TEAD1: variants seen among roughly 807,000 people sequenced by gnomAD.
TEAD1 encodes the protein transcriptional enhancer factor TEF-1.
Under a neutral mutation model 54.9 loss-of-function variants are expected in TEAD1, and 9 were observed. The observed-to-expected ratio is 0.16, with a 90% confidence interval of 0.10 to 0.29. TEAD1 has a LOEUF of 0.29. Ranked by LOEUF, TEAD1 falls within the 10% of genes least tolerant of loss-of-function variation. The probability of loss-of-function intolerance (pLI) is 1.00; values close to 1 mark genes in which losing one functional copy is unlikely to be tolerated. For synonymous variants in TEAD1, 200 were observed against 187.8 expected, an observed-to-expected ratio of 1.07 and a Z score of -0.53; for missense variants, 387 against 535.9, an observed-to-expected ratio of 0.72 and a Z score of 2.74.
At chr11:12,715,776 A>G (rs963273517) in intron 2 of TEAD1, among the ~76,000 whole-genome samples, 4 of 152,156 alleles carry the variant, frequency 2.6e-5, no homozygotes, top group African/African-American at 9.7e-5. Context: ...AATTTCAGGT[A>G]AGCAATATTT....
chr11:12,794,723 C>G, intron 3 of TEAD1, among the ~76,000 whole-genome samples: 1 of 152,204 alleles, frequency 6.6e-6, no homozygotes, highest in South Asian at 2.1e-4. Flanking sequence ...TCCTGCAACC[C>G]GGCAGGAGCA....
intron 2 of TEAD1, among the ~76,000 whole-genome samples, chr11:12,755,090 C>T (rs1207489295): frequency 6.6e-6 from 1 of 152,132 alleles, no homozygotes; most frequent in Non-Finnish European, 1.5e-5. Context: ...AGTTGGCTGT[C>T]AACAGACTGT....
At chr11:12,776,248 A>C (rs1291030068) in intron 3 of TEAD1, among the ~76,000 whole-genome samples, 9 of 152,194 alleles carry the variant, frequency 5.9e-5, no homozygotes, top group African/African-American at 1.9e-4. Context: ...TCCAACATTC[A>C]TGTATTATGG....
intron 5 of TEAD1, among the ~76,000 whole-genome samples, chr11:12,871,325 CA>C (rs1019275037): frequency 3.3e-5 from 5 of 152,208 alleles, no homozygotes; most frequent in African/African-American, 1.2e-4. Flanking sequence ...TAGTGAGAAG[CA>C]GCAGCATGTC....
At chr11:12,752,993 C>G (rs924981910) in intron 2 of TEAD1, among the ~76,000 whole-genome samples, 14 of 151,722 alleles carry the variant, frequency 9.2e-5, no homozygotes, top group African/African-American at 3.4e-4. Flanking sequence ...GCATGCGCCA[C>G]CAACACCCAG....
intron 3 of TEAD1, among the ~76,000 whole-genome samples, chr11:12,845,425 G>A: frequency 6.6e-6 from 1 of 152,214 alleles, no homozygotes; most frequent in African/African-American, 2.4e-5. Flanking sequence ...AGAAGTGTTA[G>A]TCTAGCACAG....
intron 3 of TEAD1, among the ~76,000 whole-genome samples, chr11:12,850,158 A>G (rs1047764320): frequency 1.4e-4 from 21 of 152,332 alleles, no homozygotes; most frequent in African/African-American, 4.8e-4. Context: ...GAACTGGGCC[A>G]GGTGTGGTGA....
chr11:12,799,611 A>G (rs746211502), intron 3 of TEAD1, among the ~76,000 whole-genome samples: 1 of 152,224 alleles, frequency 6.6e-6, no homozygotes, highest in Non-Finnish European at 1.5e-5. Context: ...CAATGCTGGT[A>G]AGAAGAGTTA....
chr11:12,726,982 G>A (rs1375791873), intron 2 of TEAD1, among the ~76,000 whole-genome samples: 1 of 152,090 alleles, frequency 6.6e-6, no homozygotes, highest in East Asian at 1.9e-4. Flanking sequence ...GCTCACAACT[G>A]TAATCCCAGC....
chr11:12,881,783 C>T, intron 7 of TEAD1, 113 bp from the exon 8 acceptor site: 1 of 1,074,444 alleles, frequency 9.3e-7, no homozygotes, highest in Non-Finnish European at 1.4e-6. Context: ...CACCTGCAGG[C>T]AGGGACCACA....
rs943100319 is a variant in TEAD1 at position 12,937,524 on chromosome 11, A to G, written c.*302A>G. ...CGGGAAAGGTGAACCTGAACAACCCAAGTCTCTCTCTGCAGAGCCCTGTTT... is the reference window on the plus strand; with the variant it reads ...CGGGAAAGGTGAACCTGAACAACCCGAGTCTCTCTCTGCAGAGCCCTGTTT... On this transcript the variant is annotated 3_prime_UTR_variant, in exon 13 of 13. Coordinates refer to ENST00000527636, the MANE Select transcript of TEAD1 (RefSeq NM_021961.6). The G allele has an allele frequency of 3.8e-6, 1 of 264,008 alleles. No individual in the cohort carries two copies. Among genetic ancestry groups the G allele is most frequent in the Non-Finnish European group, 7.4e-6 (1 of 135,270 alleles). 16.4% of individuals were successfully genotyped at this position (264,008 alleles called of 1,614,324 possible).
chr11:12,880,196 G>T (rs892160437), intron 6 of TEAD1, among the ~76,000 whole-genome samples: 1 of 152,106 alleles, frequency 6.6e-6, no homozygotes, highest in African/African-American at 2.4e-5. Flanking sequence ...TCTTTTTCCT[G>T]GCCCTTGGTC....
At chr11:12,684,786 C>T (rs1169135634) in intron 2 of TEAD1, among the ~76,000 whole-genome samples, 1 of 152,164 alleles carries the variant, frequency 6.6e-6, no homozygotes, top group East Asian at 1.9e-4. Flanking sequence ...AAATCTTTGC[C>T]CCTCTCCTAA....
chr11:12,915,410 C>T (rs1239098634), intron 10 of TEAD1, among the ~76,000 whole-genome samples: 8 of 152,222 alleles, frequency 5.3e-5, no homozygotes, highest in African/African-American at 7.2e-5. Context: ...TGGCCTAGCA[C>T]CCGCCTCCAA....
intron 5 of TEAD1, among the ~76,000 whole-genome samples, chr11:12,865,839 A>G (rs745893607): frequency 6.6e-6 from 1 of 152,208 alleles, no homozygotes; most frequent in Non-Finnish European, 1.5e-5. Flanking sequence ...TGATTTTGGC[A>G]CATATTGATG....
At position 12,943,819 on chromosome 11, in the gene TEAD1, A is replaced by T. The variant is rs919044756; in HGVS notation, c.*6597A>T. On this transcript the variant is annotated 3_prime_UTR_variant, in exon 13 of 13. Transcript: ENST00000527636. ...AATTAGATATCAACTGCACTTCTTT[A>T]AAAAAAAATACATCTCCCTATTACC... The T allele has an allele frequency of 2.6e-5, 4 of 151,170 alleles. No individual in the cohort carries two copies. Among genetic ancestry groups the T allele is most frequent in the South Asian group, 2.1e-4 (1 of 4,774 alleles). 9.4% of individuals were successfully genotyped at this position (151,170 alleles called of 1,614,324 possible). A position where few individuals can be genotyped will look rare whatever the true frequency, so the allele number is the denominator to read the frequency against.
At chr11:12,839,164 A>G (rs996269277) in intron 3 of TEAD1, among the ~76,000 whole-genome samples, 3 of 151,784 alleles carry the variant, frequency 2.0e-5, no homozygotes, top group Admixed American at 2.0e-4. Context: ...TAATCTTAGC[A>G]CTTTGGGAGG....
intron 2 of TEAD1, among the ~76,000 whole-genome samples, chr11:12,726,549 G>C (rs1454874769): frequency 8.5e-6 from 1 of 117,016 alleles, no homozygotes; most frequent in East Asian, 2.2e-4. Flanking sequence ...GACTTAGTAT[G>C]GGGGGAAAAA....
intron 2 of TEAD1, among the ~76,000 whole-genome samples, chr11:12,693,611 T>C (rs1943511758): frequency 6.6e-6 from 1 of 152,246 alleles, no homozygotes; most frequent in South Asian, 2.1e-4. Flanking sequence ...TGATGACGGC[T>C]TCCCATGTGA....
Sources: gnomAD v4.1 joint callset for allele counts (sites outside exome capture counted in the v4.1 genomes callset) on GRCh38, gnomAD v4.1.1 for gene constraint, MANE v1.5 for transcripts, NCBI Gene and HGNC (gene_info 2026-07-23, HGNC 2026-07-21) for gene names.